SHISAL2A: variants seen among roughly 807,000 people sequenced by gnomAD.
SHISAL2A encodes the protein shisa like 2A.
A neutral mutation model predicts 11.5 loss-of-function variants in SHISAL2A; 18 were observed. That is an observed-to-expected ratio of 1.57 (90% CI 1.08 to 2.33). The LOEUF (loss-of-function observed/expected upper bound fraction) is 2.33, where lower values mean the gene tolerates loss of function less well. Ranked by LOEUF, SHISAL2A falls within the 30% of genes most tolerant of loss-of-function variation. The pLI is 0.00. For missense variants in SHISAL2A, 261 were observed against 250.9 expected, an observed-to-expected ratio of 1.04 and a Z score of -0.27; for synonymous variants, 94 against 99.6, an observed-to-expected ratio of 0.94 and a Z score of 0.34.
chr1:52,642,890 A>G lies in SHISAL2A; in HGVS notation c.210A>G (p.Val70=). The G allele has an allele frequency of 6.2e-7, 1 of 1,613,660 alleles. No individual in the cohort carries two copies. Among genetic ancestry groups the G allele is most frequent in the South Asian group, 1.1e-5 (1 of 91,062 alleles). ...TTGGCGCTCTCATAGGCCTGTCCGT[A>G]GCAGCAGTGGTTCTTCTCGCCTTCA... ...LSIGALIGLS[V]AAVVLLAFIV... is the part of the protein sequence containing the mutation. The change falls in exon 2 of 3, where the codon GTA becomes GTG. Residue 70 remains valine, a synonymous_variant. Coordinates refer to ENST00000517870, the MANE Select transcript of SHISAL2A (RefSeq NM_001042693.3).
chr1:52,643,003 G>C lies in SHISAL2A; in HGVS notation c.322+1G>C. On this transcript the variant is annotated splice_donor_variant, in intron 2 of 2. Coordinates refer to ENST00000517870, the MANE Select transcript of SHISAL2A (RefSeq NM_001042693.3). LOFTEE classifies it high-confidence loss of function. ...CTGGGCTTGAGCTTACAGACAGCAG[G>C]TAAGGAAGTTGCCAGGTGATGTCCT... 1 of 1,614,010 alleles carries C rather than the reference G, an allele frequency of 6.2e-7. No homozygotes were observed. Among genetic ancestry groups the C allele is most frequent in the Non-Finnish European group, 8.5e-7 (1 of 1,179,956 alleles).
At position 52,667,387 on chromosome 1, in the gene SHISAL2A, A is replaced by G. The variant is rs3738074; in HGVS notation, n.696-12A>G. On this transcript the variant is annotated splice_polypyrimidine_tract_variant and intron_variant and non_coding_transcript_variant, in intron 4 of 5. Transcript: ENST00000401050. ...TTTCAAAGATTTGTTCACATTCTCTATGACCCTGCAGGTGGTTCCTAACTT... is the reference window on the plus strand; with the variant it reads ...TTTCAAAGATTTGTTCACATTCTCTGTGACCCTGCAGGTGGTTCCTAACTT... The G allele has an allele frequency of 1.9e-3, 1,843 of 984,658 alleles. 103 individuals are homozygous for G. In the East Asian group the frequency reaches 0.13, roughly 72 times the overall value. The allele number at this position is 984,658 out of a possible 1,614,324, so 61.0% of individuals were successfully genotyped here. A position where few individuals can be genotyped will look rare whatever the true frequency, so the allele number is the denominator to read the frequency against.
chr1:52,646,849 A>G (rs761644746), intron 2 of SHISAL2A, among the ~76,000 whole-genome samples: 2 of 151,568 alleles, frequency 1.3e-5, no homozygotes, highest in African/African-American at 2.4e-5. Context: ...TCATTTTTTG[A>G]GATGGAGTCT....
At chr1:52,646,103 G>A (rs1691494957) in intron 2 of SHISAL2A, among the ~76,000 whole-genome samples, 1 of 152,178 alleles carries the variant, frequency 6.6e-6, no homozygotes, top group Non-Finnish European at 1.5e-5. Flanking sequence ...AGGACAATTG[G>A]CAATGTATGT....
rs1691399305 is a variant in SHISAL2A at position 52,642,875 on chromosome 1, C to T, written c.195C>T (p.Leu65=). Residue 65 remains leucine (L), a synonymous_variant, in exon 2 of 3, where the codon CTC becomes CTT. Transcript: ENST00000517870. ...CTTCTCTTCCCAGCATTGGCGCTCT[C>T]ATAGGCCTGTCCGTAGCAGCAGTGG... ...SYMWWLSIGA[L]IGLSVAAVVL... 1.9e-6 allele frequency: 3 copies of T among 1,613,258 alleles called. No homozygotes were observed. In the African/African-American group the frequency reaches 4.0e-5, roughly 22 times the overall value.
In SHISAL2A at chr1:52,656,770, C is replaced by A; in HGVS notation, c.323-20C>A. 1 of 1,585,322 alleles carries A rather than the reference C, an allele frequency of 6.3e-7. No homozygotes were observed. Among genetic ancestry groups the A allele is most frequent in the Admixed American group, 1.7e-5 (1 of 57,920 alleles). ...TTGGGGAAGAAGAGAGCCACACACCCTCAGTTTGCTGTTTTCCAGGCCCTG... is the reference window on the plus strand; with the variant it reads ...TTGGGGAAGAAGAGAGCCACACACCATCAGTTTGCTGTTTTCCAGGCCCTG... On this transcript the variant is annotated intron_variant, in intron 2 of 2. Transcript: ENST00000517870.
In SHISAL2A at chr1:52,633,535, G is replaced by T. The variant is rs1267144756; in HGVS notation, c.42G>T (p.Glu14Asp). 3 of 1,604,160 alleles carry T rather than the reference G, an allele frequency of 1.9e-6. No homozygotes were observed. The highest frequency in any genetic ancestry group is 2.6e-6 in the Non-Finnish European group (3 of 1,176,210). ...CGAGCTACGTGAGCGCAGAGCAGGA[G>T]GTGGTGCGCGGCTTCAGCTGCCCGC... is the stretch of plus-strand genomic sequence containing the variant. ...ACTSYVSAEQ[E>D]VVRGFSCPRP... Residue 14 changes from glutamate (E) to aspartate (D), a missense_variant, in exon 1 of 3, where the codon GAG becomes GAT. By Grantham distance (45) the Glu-to-Asp change is conservative. Coordinates refer to ENST00000517870, the MANE Select transcript of SHISAL2A (RefSeq NM_001042693.3). This position sits in a 1 kb window ranked among gnomAD's most constrained non-coding sequence, Gnocchi z 6.4.
At chr1:52,642,287 G>C (rs771903735) in intron 1 of SHISAL2A, among the ~76,000 whole-genome samples, 2 of 152,156 alleles carry the variant, frequency 1.3e-5, no homozygotes, top group African/African-American at 4.8e-5. Context: ...GCTGCTGAGC[G>C]GGGTCAGGTA....
intron 2 of SHISAL2A, among the ~76,000 whole-genome samples, chr1:52,655,026 T>C (rs1241491880): frequency 6.6e-6 from 1 of 151,874 alleles, no homozygotes; most frequent in Admixed American, 6.6e-5. Flanking sequence ...CTACTAAAAA[T>C]ACAAAAAGAA....
At chr1:52,654,083 T>C (rs1691734316) in intron 2 of SHISAL2A, among the ~76,000 whole-genome samples, 1 of 152,036 alleles carries the variant, frequency 6.6e-6, no homozygotes, top group Admixed American at 6.6e-5. Context: ...CTGTTAATTT[T>C]TTATTTTTGT....
At chr1:52,642,332 G>A (rs1691384555) in intron 1 of SHISAL2A, among the ~76,000 whole-genome samples, 1 of 152,064 alleles carries the variant, frequency 6.6e-6, no homozygotes, top group African/African-American at 2.4e-5. Context: ...GCATATAGTT[G>A]GTGCACTTTC....
chr1:52,655,452 C>CCAA (rs1691769426), intron 2 of SHISAL2A, among the ~76,000 whole-genome samples: 2 of 40,154 alleles, frequency 5.0e-5, no homozygotes, highest in South Asian at 2.7e-3. Context: ...CCTGTATCTA[C>CCAA]AAAAAAAAAA....
chr1:52,667,178 C>T (rs1692029047), intron 4 of SHISAL2A, among the ~76,000 whole-genome samples: 1 of 152,170 alleles, frequency 6.6e-6, no homozygotes, highest in Non-Finnish European at 1.5e-5. Context: ...TTACATTTTA[C>T]AGGTGAAGAG....
chr1:52,654,079 A>G (rs1054810183), intron 2 of SHISAL2A, among the ~76,000 whole-genome samples: 9 of 151,888 alleles, frequency 5.9e-5, no homozygotes, highest in African/African-American at 2.2e-4. Context: ...CACCCTGTTA[A>G]TTTTTTATTT....
At chr1:52,659,177 G>A (rs756785786), downstream of SHISAL2A, among the ~76,000 whole-genome samples, 2 of 151,902 alleles carry the variant, frequency 1.3e-5, no homozygotes, top group African/African-American at 4.8e-5. Context: ...CAATCCTTCT[G>A]CCTCAGCCTC....
exon 6 of SHISAL2A, chr1:52,669,159 T>G (rs1269656974): frequency 4.6e-5 from 6 of 130,538 alleles, no homozygotes; most frequent in Admixed American, 3.7e-4. Flanking sequence ...TTTTTTTTTT[T>G]TGAGATGGGG....
chr1:52,659,000 G>A (rs1345209117), downstream of SHISAL2A, among the ~76,000 whole-genome samples: 1 of 152,028 alleles, frequency 6.6e-6, no homozygotes, highest in Non-Finnish European at 1.5e-5. Context: ...TTTGGTTCTG[G>A]TCTTGCTTCA....
downstream of SHISAL2A, chr1:52,659,394 A>T (rs948834542): frequency 3.7e-4 from 57 of 153,262 alleles, no homozygotes; most frequent in African/African-American, 1.3e-3. Context: ...TATCCATTCT[A>T]TTCTAGGACC....
chr1:52,633,420 T>C lies in SHISAL2A; in HGVS notation c.-74T>C. ...TCAGGCTCAGCTCCGTCTCGCTCGG[T>C]CCCTCGCTTCCCCGCCGGGCTCTAG... On this transcript the variant is annotated 5_prime_UTR_variant, in exon 1 of 3. Transcript: ENST00000517870. The surrounding 1 kb of genome is among the most constrained non-coding windows in gnomAD (Gnocchi z 6.4). 2 of 1,304,256 alleles carry C rather than the reference T, an allele frequency of 1.5e-6. No individual in the cohort carries two copies. The highest frequency in any genetic ancestry group is 3.2e-5 in the South Asian group (2 of 61,984). The allele number at this position is 1,304,256 out of a possible 1,614,324, so 80.8% of individuals were successfully genotyped here.
Sources: allele counts gnomAD v4.1 joint callset (sites outside exome capture counted in the v4.1 genomes callset), GRCh38; gene constraint gnomAD v4.1.1; non-coding constraint Gnocchi (gnomAD v3.1); transcripts MANE v1.5; gene names NCBI Gene and HGNC (gene_info 2026-07-23, HGNC 2026-07-21).